PTPRD: variants seen among roughly 807,000 people sequenced by gnomAD.
PTPRD encodes protein tyrosine phosphatase receptor type D.
Under a neutral mutation model 214.5 loss-of-function variants are expected in PTPRD, and 34 were observed. The observed-to-expected ratio is 0.16, with a 90% CI of 0.12 to 0.21. PTPRD has a LOEUF of 0.21. PTPRD is among the 10% of genes least tolerant of loss of function. PTPRD has a pLI of 1.00. For synonymous variants in PTPRD, 1,128 were observed against 845.7 expected (o/e 1.33, Z -5.79); for missense variants, 2,545 against 2,398.7 (o/e 1.06, Z -1.27).
intron 9 of PTPRD, among the ~76,000 whole-genome samples, chr9:9,347,137 G>A (rs961338906): frequency 5.9e-5 from 9 of 152,056 alleles, no homozygotes; most frequent in African/African-American, 1.7e-4. Context: ...ACAATGCACT[G>A]CAGCCTGGGT....
chr9:8,949,630 G>C (rs556714730), intron 11 of PTPRD, among the ~76,000 whole-genome samples: 58 of 152,256 alleles, frequency 3.8e-4, no homozygotes, highest in Middle Eastern at 3.4e-3. Context: ...GTCACCAAAT[G>C]CAAGAGGTTT....
At chr9:10,567,665 T>G (rs2131790714) in intron 2 of PTPRD, among the ~76,000 whole-genome samples, 1 of 152,096 alleles carries the variant, frequency 6.6e-6, no homozygotes, top group Admixed American at 6.5e-5. Context: ...TAACAGTAAA[T>G]ACAAACTTTT....
At chr9:10,374,422 T>C (rs2097688865) in intron 2 of PTPRD, among the ~76,000 whole-genome samples, 1 of 152,070 alleles carries the variant, frequency 6.6e-6, no homozygotes. Flanking sequence ...CTTGATACTC[T>C]TTCAGGGAAA....
At chr9:10,334,534 C>A (rs780951403) in intron 3 of PTPRD, among the ~76,000 whole-genome samples, 1 of 150,060 alleles carries the variant, frequency 6.7e-6, no homozygotes. Flanking sequence ...TCTCAATATT[C>A]ATTTCAAACA....
intron 2 of PTPRD, among the ~76,000 whole-genome samples, chr9:10,538,607 A>G (rs1364384701): frequency 6.6e-6 from 1 of 152,126 alleles, no homozygotes; most frequent in African/African-American, 2.4e-5. Context: ...TAAGACAGGA[A>G]CACTGATTCT....
chr9:8,990,172 T>C (rs1029953230), intron 11 of PTPRD, among the ~76,000 whole-genome samples: 1 of 152,120 alleles, frequency 6.6e-6, no homozygotes, highest in African/African-American at 2.4e-5. Context: ...CAAGTTTACA[T>C]GGAAAATCTG....
intron 11 of PTPRD, among the ~76,000 whole-genome samples, chr9:8,740,988 A>G (rs1219759248): frequency 6.6e-6 from 1 of 152,222 alleles, no homozygotes; most frequent in Non-Finnish European, 1.5e-5. Context: ...CAGAGAAAAA[A>G]AAGTCAATAG....
At chr9:8,929,941 A>ATG (rs1174392173) in intron 11 of PTPRD, among the ~76,000 whole-genome samples, 7 of 128,574 alleles carry the variant, frequency 5.4e-5, no homozygotes, top group Non-Finnish European at 1.0e-4. Flanking sequence ...GTATATATAT[A>ATG]TGTGTGTGTG....
rs867160198 is a variant in PTPRD, at chr9:10,214,647, A to G, written c.-545+126316T>C. ...GCTGTAGGTGTTGCTGTATAAAAAC[A>G]TGTTTATCACCTAACACAAGGCCTG... On this transcript the variant is annotated intron_variant, in intron 3 of 45. Transcript: ENST00000381196. Among the ~76,000 whole-genome samples, 31 of 152,102 alleles carry G rather than the reference A, an allele frequency of 2.0e-4. 1 individual carries two copies. The Middle Eastern group carries it at 0.01, about 50-fold the overall frequency.
intron 9 of PTPRD, among the ~76,000 whole-genome samples, chr9:9,305,098 T>C (rs1410072500): frequency 6.6e-6 from 1 of 151,210 alleles, no homozygotes; most frequent in Non-Finnish European, 1.5e-5. Flanking sequence ...TGGTGGAAAA[T>C]CAACTTGCTT....
At chr9:10,026,594 G>A in intron 4 of PTPRD, among the ~76,000 whole-genome samples, 1 of 152,130 alleles carries the variant, frequency 6.6e-6, no homozygotes, top group East Asian at 1.9e-4. Context: ...AGCAGTCACA[G>A]TACAGTTACA....
intron 10 of PTPRD, among the ~76,000 whole-genome samples, chr9:9,036,836 G>A (rs1590222971): frequency 1.3e-5 from 2 of 152,158 alleles, no homozygotes; most frequent in East Asian, 3.9e-4. Context: ...ATGCCTCTTG[G>A]TTGAGCCTGC....
intron 9 of PTPRD, among the ~76,000 whole-genome samples, chr9:9,382,188 C>T (rs143943884): frequency 1.4e-4 from 22 of 151,744 alleles, no homozygotes; most frequent in African/African-American, 5.3e-4. Context: ...ATGATTCATT[C>T]TTAGTTTATA....
intron 9 of PTPRD, among the ~76,000 whole-genome samples, chr9:9,349,761 T>C (rs1004863965): frequency 1.3e-5 from 2 of 152,028 alleles, no homozygotes; most frequent in East Asian, 1.9e-4. Context: ...TCACATGTTT[T>C]TTTTTTGTGC....
At chr9:10,160,086 A>G (rs2099118408) in intron 3 of PTPRD, among the ~76,000 whole-genome samples, 1 of 152,052 alleles carries the variant, frequency 6.6e-6, no homozygotes, top group Non-Finnish European at 1.5e-5. Flanking sequence ...TTTAATGCCA[A>G]AAAGAAACCC....
chr9:9,791,923 G>C (rs1383655884), intron 5 of PTPRD, among the ~76,000 whole-genome samples: 1 of 151,926 alleles, frequency 6.6e-6, no homozygotes, highest in African/African-American at 2.4e-5. Context: ...GATGTACCTT[G>C]AATTTTTTTT....
chr9:9,346,029 T>C (rs2048663714), intron 9 of PTPRD, among the ~76,000 whole-genome samples: 1 of 152,118 alleles, frequency 6.6e-6, no homozygotes, highest in Non-Finnish European at 1.5e-5. Flanking sequence ...AAAGATCTGC[T>C]CTTTAAGAGT....
At chr9:8,987,505 G>T (rs182737256) in intron 11 of PTPRD, among the ~76,000 whole-genome samples, 1 of 152,144 alleles carries the variant, frequency 6.6e-6, no homozygotes, top group African/African-American at 2.4e-5. Context: ...AGAAGAGAAA[G>T]AAAAGTGCTG....
chr9:10,293,841 G>C lies in PTPRD; in HGVS notation c.-545+47122C>G, dbSNP rs7872106. On this transcript the variant is annotated intron_variant, in intron 3 of 45. Transcript: ENST00000381196. The stretch of plus-strand genomic sequence containing the variant: ...GACACCAAGGTGAGACATGGAGTTA[G>C]ATAGGTCTTACTACTGATTTGTTGA... Among the ~76,000 whole-genome samples the C allele has an allele frequency of 3.1e-3, 468 of 152,074 alleles. 2 individuals carry two copies. Among genetic ancestry groups the C allele is most frequent in the African/African-American group, 0.011 (440 of 41,562 alleles).
Sources: gnomAD v4.1 joint callset for allele counts (sites outside exome capture counted in the v4.1 genomes callset) on GRCh38, gnomAD v4.1.1 for gene constraint, MANE v1.5 for transcripts, NCBI Gene and HGNC (gene_info 2026-07-23, HGNC 2026-07-21) for gene names.